The following SYNE2 variants were observed in gnomAD, a reference collection of about 807,000 sequenced individuals.
The protein encoded by SYNE2 is nesprin-2.
A neutral mutation model predicts 856.3 loss-of-function variants in SYNE2; 431 were observed. The ratio of observed to expected loss-of-function variants is 0.50; its 90% CI spans 0.47 to 0.55. The LOEUF (loss-of-function observed/expected upper bound fraction) is 0.55, where lower values mean the gene tolerates loss of function less well. Ranked by LOEUF, SYNE2 falls within the 20% of genes least tolerant of loss-of-function variation. The probability of loss-of-function intolerance (pLI) is 0.00; values close to 1 mark genes in which losing one functional copy is unlikely to be tolerated. For synonymous variants in SYNE2, 2,923 were observed against 2,872.3 expected, an observed-to-expected ratio of 1.02 and a Z score of -0.56; for missense variants, 8,129 against 8,023.2, an observed-to-expected ratio of 1.01 and a Z score of -0.50.
intron 78 of SYNE2, among the ~76,000 whole-genome samples, chr14:64,136,539 ATAATTTATTTTTTAAGATTAAACAGG>A (rs1170174270): frequency 2.6e-5 from 4 of 152,160 alleles, no homozygotes; most frequent in Admixed American, 2.0e-4. Context: ...TGTTTTGTTA[ATAATTTATTTTTTAAGATTAAACAGG>A]TGTCAGGATA....
rs147415547 is a variant in SYNE2 at position 64,113,424 on chromosome 14, G to A, written c.12693G>A (p.Arg4231=). 1 of 1,614,194 alleles carries A rather than the reference G, an allele frequency of 6.2e-7. No individual in the cohort carries two copies. Among genetic ancestry groups the A allele is most frequent in the Non-Finnish European group, 8.5e-7 (1 of 1,180,040 alleles). The stretch of plus-strand genomic sequence containing the variant: ...TGGAGCCCAGGGTGGAGAAAACTAG[G>A]CCGGAGCCCACAGAAGTCCTGCATG... ...GGLEPRVEKT[R]PEPTEVLHAC... is the part of the protein sequence containing the mutation. Residue 4231 remains arginine, a synonymous_variant, in exon 66 of 116, where the codon AGG becomes AGA. Coordinates refer to ENST00000555002, the MANE Select transcript of SYNE2 (RefSeq NM_182914.3).
Position 64,100,528 on chromosome 14 carries a change from AAAAATATATATAT to A in SYNE2, c.12382-1402_12382-1390del, listed in dbSNP as rs1307210036. On this transcript the variant is annotated intron_variant, in intron 63 of 115. Transcript: ENST00000555002. ...CAAAACTGTCTCAAAAAAAAAAAAA[AAAAATATATATAT>A]ATATATATATATATATATATATATA... Among the ~76,000 whole-genome samples the A allele has an allele frequency of 3.7e-3, 274 of 74,416 alleles. 4 individuals are homozygous for A. Among genetic ancestry groups the A allele is most frequent in the South Asian group, 0.018 (36 of 1,988 alleles). The allele number at this position is 74,416 out of a possible 152,430, so 48.8% of individuals were successfully genotyped here.
intron 52 of SYNE2, among the ~76,000 whole-genome samples, chr14:64,072,814 C>T (rs1331762749): frequency 6.6e-6 from 1 of 152,128 alleles, no homozygotes; most frequent in Admixed American, 6.6e-5. Context: ...ACACTTCTGG[C>T]TGATAGGCTA....
intron 2 of SYNE2, among the ~76,000 whole-genome samples, chr14:63,935,358 C>T (rs1283834615): frequency 2.0e-5 from 3 of 152,112 alleles, no homozygotes; most frequent in Non-Finnish European, 2.9e-5. Context: ...AAAAAAATTC[C>T]AGTGAGGCTT....
In SYNE2 at chr14:64,219,096, G is replaced by GTTTTTTTTTTTTTTTTTTTTTTTTTT; in HGVS notation, c.19658-105_19658-104insTTTTTTTTTTTTTTTTTTTTTTTTTT. ...CCTTCTGTCAGGGGAATCCCCTACA[G>GTTTTTTTTTTTTTTTTTTTTTTTTTT]TTTTTTTGTTTTTTTTTTTTTTTTT... On this transcript the variant is annotated intron_variant, in intron 109 of 115. Coordinates refer to ENST00000555002, the MANE Select transcript of SYNE2 (RefSeq NM_182914.3). 3 of 758,460 alleles carry GTTTTTTTTTTTTTTTTTTTTTTTTTT rather than the reference G, an allele frequency of 4.0e-6. 1 individual carries two copies. Among genetic ancestry groups the GTTTTTTTTTTTTTTTTTTTTTTTTTT allele is most frequent in the Non-Finnish European group, 1.9e-6 (1 of 519,162 alleles). The allele number at this position is 758,460 out of a possible 1,614,324, so 47.0% of individuals were successfully genotyped here.
At chr14:63,902,228 T>A (rs1185540151) in intron 1 of SYNE2, among the ~76,000 whole-genome samples, 2 of 151,802 alleles carry the variant, frequency 1.3e-5, no homozygotes, top group African/African-American at 4.8e-5. Flanking sequence ...CTGGCCAACA[T>A]GGCAAAACTC....
chr14:63,889,350 T>C (rs2095074235), intron 1 of SYNE2, among the ~76,000 whole-genome samples: 1 of 152,198 alleles, frequency 6.6e-6, no homozygotes, highest in South Asian at 2.1e-4. Context: ...TGGATACATT[T>C]CTTAACCACT....
rs1451171980 is a variant in SYNE2, at chr14:63,940,752, G to A, written c.141+77G>A. 9 of 1,380,824 alleles carry A rather than the reference G, an allele frequency of 6.5e-6. No homozygotes were observed. The African/African-American group carries it at 1.0e-4, about 15-fold the overall frequency. The allele number at this position is 1,380,824 out of a possible 1,614,324, so 85.5% of individuals were successfully genotyped here. A position where few individuals can be genotyped will look rare whatever the true frequency, so the allele number is the denominator to read the frequency against. On this transcript the variant is annotated intron_variant, in intron 3 of 115. Coordinates refer to ENST00000555002, the MANE Select transcript of SYNE2 (RefSeq NM_182914.3). ...ACTCCTTCTGTTTTGACCCCAAGGA[G>A]GCCATTAAAAAATGGTACTGGTGAT...
intron 1 of SYNE2, among the ~76,000 whole-genome samples, chr14:63,785,715 C>T (rs1237531521): frequency 1.3e-5 from 2 of 152,088 alleles, no homozygotes; most frequent in East Asian, 1.9e-4. Flanking sequence ...TCTCATAAAA[C>T]CAAAGAAATA....
At chr14:64,155,821 G>A (rs915717828) in intron 85 of SYNE2, among the ~76,000 whole-genome samples, 2 of 152,196 alleles carry the variant, frequency 1.3e-5, no homozygotes, top group African/African-American at 2.4e-5. Context: ...CCAGCTATTC[G>A]GGAGGCCGAG....
intron 1 of SYNE2, among the ~76,000 whole-genome samples, chr14:63,795,559 C>T (rs1316884196): frequency 1.3e-5 from 2 of 152,066 alleles, no homozygotes; most frequent in African/African-American, 4.8e-5. Context: ...AGTTCTGTCC[C>T]TCTAGAGAAC....
intron 112 of SYNE2, among the ~76,000 whole-genome samples, chr14:64,221,932 T>C (rs1406292012): frequency 1.3e-5 from 2 of 152,116 alleles, no homozygotes; most frequent in Non-Finnish European, 2.9e-5. Context: ...TCCACAGAAC[T>C]GAGGACATAG....
chr14:64,125,027 A>G, intron 70 of SYNE2, 52 bp from the exon 71 acceptor site: 1 of 1,603,116 alleles, frequency 6.2e-7, no homozygotes, highest in African/African-American at 1.3e-5. Context: ...AAATTAATTA[A>G]CATCAGCAGG....
At chr14:64,057,191 TC>T (rs2097278073) in intron 49 of SYNE2, among the ~76,000 whole-genome samples, 1 of 152,160 alleles carries the variant, frequency 6.6e-6, no homozygotes, top group African/African-American at 2.4e-5. Flanking sequence ...ACGTAGTCAC[TC>T]TGTGGTGCTA....
intron 2 of SYNE2, among the ~76,000 whole-genome samples, chr14:63,919,126 T>C (rs2095566489): frequency 6.6e-6 from 1 of 152,238 alleles, no homozygotes; most frequent in Admixed American, 6.5e-5. Context: ...AAATGTTTCC[T>C]GTGACCCTAC....
chr14:64,092,980 T>C (rs758753962), intron 60 of SYNE2, among the ~76,000 whole-genome samples: 1 of 143,448 alleles, frequency 7.0e-6, no homozygotes, highest in Non-Finnish European at 1.5e-5. Flanking sequence ...CCATGGAATA[T>C]GTATTAAAAT....
Position 64,166,982 on chromosome 14 carries a change from A to G in SYNE2, c.16606-251A>G, listed in dbSNP as rs1209229184. ...ATTTTCTGTATTCTTCGGTGACAAAATCTGAGATAACTTTCTATTTCCTGG... is the reference window on the plus strand; with the variant it reads ...ATTTTCTGTATTCTTCGGTGACAAAGTCTGAGATAACTTTCTATTTCCTGG... On this transcript the variant is annotated intron_variant, in intron 90 of 115. Coordinates refer to ENST00000555002, the MANE Select transcript of SYNE2 (RefSeq NM_182914.3). 5.5e-6 allele frequency: 3 copies of G among 545,858 alleles called. No individual in the cohort carries two copies. In the African/African-American group the frequency reaches 5.7e-5, roughly 10 times the overall value. 33.8% of individuals were successfully genotyped at this position (545,858 alleles called of 1,614,324 possible).
At chr14:64,060,634 C>A (rs367645799) in intron 49 of SYNE2, among the ~76,000 whole-genome samples, 2 of 152,052 alleles carry the variant, frequency 1.3e-5, no homozygotes, top group East Asian at 1.9e-4. Flanking sequence ...CCAAGGACTC[C>A]CTTAGCTGCC....
intron 1 of SYNE2, among the ~76,000 whole-genome samples, chr14:63,800,426 G>T (rs1457424240): frequency 6.6e-6 from 1 of 152,032 alleles, no homozygotes; most frequent in Non-Finnish European, 1.5e-5. Context: ...GGGATCTTTT[G>T]TATTTTTAGT....
Sources: gnomAD v4.1 joint callset for allele counts (sites outside exome capture counted in the v4.1 genomes callset) on GRCh38, gnomAD v4.1.1 for gene constraint, MANE v1.5 for transcripts, NCBI Gene and HGNC (gene_info 2026-07-23, HGNC 2026-07-21) for gene names.